Variants in HDGFL3 observed in about 807,000 individuals in gnomAD.
HDGFL3 encodes the protein HDGF like 3, also known as hepatoma-derived growth factor-related protein 3.
A neutral mutation model predicts 27.6 loss-of-function variants in HDGFL3; 6 were observed. The observed-to-expected ratio is 0.22, with a 90% confidence interval of 0.12 to 0.43. HDGFL3 has a LOEUF of 0.43. Among genes scored for constraint, HDGFL3 ranks in the 20% least tolerant of loss-of-function variants. The pLI is 1.00. For synonymous variants in HDGFL3, 88 were observed against 88.9 expected, an observed-to-expected ratio of 0.99 and a Z score of 0.05; for missense variants, 207 against 250.1, an observed-to-expected ratio of 0.83 and a Z score of 1.16.
chr15:83,145,575 CCT>C (rs940480315), intron 5 of HDGFL3, among the ~76,000 whole-genome samples: 2 of 152,066 alleles, frequency 1.3e-5, no homozygotes, highest in Non-Finnish European at 2.9e-5. Context: ...CATTCTCTCC[CCT>C]GTGCCCTACC....
intron 1 of HDGFL3, among the ~76,000 whole-genome samples, chr15:83,171,901 GA>G (rs999771311): frequency 6.6e-6 from 1 of 151,894 alleles, no homozygotes; most frequent in Non-Finnish European, 1.5e-5. Flanking sequence ...AAAATTAAAA[GA>G]AAAAAAGAAC....
rs1446291463 is a variant in HDGFL3, at chr15:83,133,405, T to G, written c.*5865A>C. 6.6e-6 allele frequency: 1 copy of G among 152,248 alleles called. No individual in the cohort carries two copies. The highest frequency in any genetic ancestry group is 1.9e-4 in the East Asian group (1 of 5,196). 9.4% of individuals were successfully genotyped at this position (152,248 alleles called of 1,614,324 possible). On this transcript the variant is annotated 3_prime_UTR_variant, in exon 6 of 6. Transcript: ENST00000299633. ...ATCCTTTACAGATTGTCTCTATACA[T>G]GTAAGAAAACAGCTCTTAAAATTTA...
At chr15:83,145,885 CCTTT>C (rs1412114102) in intron 5 of HDGFL3, among the ~76,000 whole-genome samples, 1 of 144,080 alleles carries the variant, frequency 6.9e-6, no homozygotes, top group African/African-American at 2.6e-5. Flanking sequence ...TCTCTCTCTC[CCTTT>C]CTTCTTCCTT....
chr15:83,115,740 T>C (rs772042087), exon 4 of HDGFL3: 2 of 814,882 alleles, frequency 2.5e-6, no homozygotes, highest in East Asian at 2.6e-5. Flanking sequence ...CCACAGCATC[T>C]TCTGGAAAAC....
At chr15:83,173,860 G>T (rs1453363948) in intron 1 of HDGFL3, among the ~76,000 whole-genome samples, 1 of 152,084 alleles carries the variant, frequency 6.6e-6, no homozygotes, top group Non-Finnish European at 1.5e-5. Context: ...TAAAGAATAA[G>T]AAAAAGGCTC....
chr15:83,182,119 AGTCTTTTTAT>A (rs2037388595), intron 1 of HDGFL3, among the ~76,000 whole-genome samples: 1 of 152,114 alleles, frequency 6.6e-6, no homozygotes, highest in Non-Finnish European at 1.5e-5. Context: ...CTTTTCTCAT[AGTCTTTTTAT>A]GGCTTTTTAT....
intron 1 of HDGFL3, among the ~76,000 whole-genome samples, chr15:83,201,685 ATAT>A (rs1442864981): frequency 2.6e-5 from 4 of 152,226 alleles, no homozygotes; most frequent in African/African-American, 9.6e-5. Flanking sequence ...CCGAGAATTA[ATAT>A]TATTTTCCAA....
At position 83,207,370 on chromosome 15, in the gene HDGFL3, G is replaced by C; in HGVS notation, c.45C>G (p.Val15=). Residue 15 remains valine (V), a synonymous_variant, in exon 1 of 6, where the codon GTC becomes GTG. Coordinates refer to ENST00000299633, the MANE Select transcript of HDGFL3 (RefSeq NM_016073.4). The surrounding 1 kb of genome is among the most constrained non-coding windows in gnomAD (Gnocchi z 4.8). Reference sequence around the variant, plus strand: ...GCGGGTAGCCCTTCATCTTGGCGAAGACCAGGTCGCCCGCTTTGTACTCGC... The same window carrying C: ...GCGGGTAGCCCTTCATCTTGGCGAACACCAGGTCGCCCGCTTTGTACTCGC... ...RPREYKAGDL[V]FAKMKGYPHW... 1.4e-6 allele frequency: 2 copies of C among 1,403,838 alleles called. No individual in the cohort carries two copies. The highest frequency in any genetic ancestry group is 1.9e-6 in the Non-Finnish European group (2 of 1,073,058). 87.0% of individuals were successfully genotyped at this position (1,403,838 alleles called of 1,614,324 possible).
At chr15:83,181,484 CT>C (rs937617541) in intron 1 of HDGFL3, among the ~76,000 whole-genome samples, 7 of 151,576 alleles carry the variant, frequency 4.6e-5, no homozygotes, top group African/African-American at 1.4e-4. Flanking sequence ...CTTGTAGTCA[CT>C]TTTTTTTTGA....
chr15:83,133,278 A>G lies in HDGFL3; in HGVS notation c.*5992T>C, dbSNP rs1164043817. 1 of 152,250 alleles carries G rather than the reference A, an allele frequency of 6.6e-6. No individual in the cohort carries two copies. The highest frequency in any genetic ancestry group is 2.4e-5 in the African/African-American group (1 of 41,458). 9.4% of individuals were successfully genotyped at this position (152,250 alleles called of 1,614,324 possible). On this transcript the variant is annotated 3_prime_UTR_variant, in exon 6 of 6. Coordinates refer to ENST00000299633, the MANE Select transcript of HDGFL3 (RefSeq NM_016073.4). ...ACTGTATTAGCAAAAGACCCTGGCT[A>G]TCATCCCAATGGTCACCTAAGTTTT...
At chr15:83,145,896 C>CTTT (rs2036882505) in intron 5 of HDGFL3, among the ~76,000 whole-genome samples, 1 of 99,032 alleles carries the variant, frequency 1.0e-5, no homozygotes, top group African/African-American at 3.7e-5. Flanking sequence ...CTTTCTTCTT[C>CTTT]CTTTTTTTTT....
Position 83,207,205 on chromosome 15 carries a change from A to T in HDGFL3, c.84+126T>A. The T allele has an allele frequency of 1.8e-6, 1 of 560,924 alleles. No individual in the cohort carries two copies. Among genetic ancestry groups the T allele is most frequent in the Non-Finnish European group, 2.7e-6 (1 of 372,354 alleles). The allele number at this position is 560,924 out of a possible 1,614,324, so 34.7% of individuals were successfully genotyped here. On this transcript the variant is annotated intron_variant, in intron 1 of 5. Coordinates refer to ENST00000299633, the MANE Select transcript of HDGFL3 (RefSeq NM_016073.4). This position sits in a 1 kb window ranked among gnomAD's most constrained non-coding sequence, Gnocchi z 4.8. ...GTCTTCTTCGTGCCGCGCCGCCCTCAGCCCTCACCACAGCCGGCCGCGAGC... is the reference window on the plus strand; with the variant it reads ...GTCTTCTTCGTGCCGCGCCGCCCTCTGCCCTCACCACAGCCGGCCGCGAGC...
intron 1 of HDGFL3, among the ~76,000 whole-genome samples, chr15:83,176,323 T>A (rs1460641392): frequency 6.6e-6 from 1 of 152,240 alleles, no homozygotes; most frequent in Non-Finnish European, 1.5e-5. Flanking sequence ...GGTTTATAGA[T>A]GTCGGTAAGA....
chr15:83,185,153 A>G (rs2151417736), intron 1 of HDGFL3: 1 of 152,454 alleles, frequency 6.6e-6, no homozygotes, highest in South Asian at 2.1e-4. Flanking sequence ...CCTCCCGAGT[A>G]GCTGGGATTA....
chr15:83,117,240 T>C (rs1356500533), intron 3 of HDGFL3, among the ~76,000 whole-genome samples: 1 of 152,140 alleles, frequency 6.6e-6, no homozygotes, highest in Non-Finnish European at 1.5e-5. Context: ...AAAGAGCATG[T>C]GCCTCTCCCT....
chr15:83,191,141 A>G (rs1479505873), intron 1 of HDGFL3, among the ~76,000 whole-genome samples: 2 of 152,180 alleles, frequency 1.3e-5, no homozygotes, highest in Non-Finnish European at 2.9e-5. Context: ...CCTGAGCCAA[A>G]AGCGGTCTTA....
At chr15:83,199,376 T>A (rs959929733) in intron 1 of HDGFL3, among the ~76,000 whole-genome samples, 4 of 152,232 alleles carry the variant, frequency 2.6e-5, no homozygotes, top group Non-Finnish European at 4.4e-5. Context: ...TTTTCTGACC[T>A]GTCTACATCA....
intron 5 of HDGFL3, 36 bp from the exon 6 acceptor site, chr15:83,139,311 T>C (rs2036720911): frequency 1.5e-6 from 2 of 1,347,486 alleles, no homozygotes; most frequent in East Asian, 2.5e-5. Flanking sequence ...AACAAGCCTT[T>C]AGATGATTTA....
Position 83,136,193 on chromosome 15 carries a change from G to A in HDGFL3, c.*3077C>T, listed in dbSNP as rs1043494479. 7 of 261,966 alleles carry A rather than the reference G, an allele frequency of 2.7e-5. No homozygotes were observed. Among genetic ancestry groups the A allele is most frequent in the Non-Finnish European group, 4.3e-5 (6 of 140,240 alleles). 16.2% of individuals were successfully genotyped at this position (261,966 alleles called of 1,614,324 possible). On this transcript the variant is annotated 3_prime_UTR_variant, in exon 6 of 6. Transcript: ENST00000299633. ...AGATTGAGCCACTAATGTTCGGTAA[G>A]GGGCACTTGATGGTTAAAAAACACA...
Sources: gnomAD v4.1 joint callset for allele counts (sites outside exome capture counted in the v4.1 genomes callset) on GRCh38, gnomAD v4.1.1 for gene constraint, Gnocchi (gnomAD v3.1) non-coding constraint, MANE v1.5 for transcripts, NCBI Gene and HGNC (gene_info 2026-07-23, HGNC 2026-07-21) for gene names.